The following TSC22D1 variants were observed in gnomAD, a reference collection of about 807,000 sequenced individuals.
TSC22D1 encodes TSC22 domain family protein 1.
A neutral mutation model predicts 74.2 loss-of-function variants in TSC22D1; 9 were observed. The observed-to-expected ratio is 0.12, with a 90% CI of 0.07 to 0.21. The LOEUF (loss-of-function observed/expected upper bound fraction) is 0.21. Among genes scored for constraint, TSC22D1 ranks in the 10% least tolerant of loss-of-function variants. TSC22D1 has a pLI of 1.00. For missense variants in TSC22D1, 1,427 were observed against 1,304.7 expected (o/e 1.09, Z -1.44); for synonymous variants, 586 against 492.5 (o/e 1.19, Z -2.51).
At chr13:44,480,665 A>G (rs889366502) in intron 1 of TSC22D1, among the ~76,000 whole-genome samples, 3 of 152,158 alleles carry the variant, frequency 2.0e-5, no homozygotes, top group African/African-American at 7.2e-5. Context: ...TGTTTGGAGG[A>G]GACATCCAAG....
intron 1 of TSC22D1, among the ~76,000 whole-genome samples, chr13:44,504,408 A>G (rs1879349960): frequency 6.6e-6 from 1 of 152,062 alleles, no homozygotes; most frequent in Admixed American, 6.6e-5. Context: ...GTTCAAGAAC[A>G]GCCTGGGAAA....
chr13:44,507,565 T>C (rs1235778914), intron 1 of TSC22D1, among the ~76,000 whole-genome samples: 4 of 152,068 alleles, frequency 2.6e-5, no homozygotes, highest in South Asian at 4.1e-4. Context: ...CAAAATACTA[T>C]AGAATTGCAA....
intron 1 of TSC22D1, among the ~76,000 whole-genome samples, chr13:44,545,570 C>T (rs1215601536): frequency 6.7e-6 from 1 of 148,256 alleles, no homozygotes; most frequent in Non-Finnish European, 1.5e-5. Flanking sequence ...CATTTTGGAC[C>T]TATAAGGTAC....
intron 1 of TSC22D1, among the ~76,000 whole-genome samples, chr13:44,478,289 A>T (rs1043337369): frequency 6.6e-6 from 1 of 152,188 alleles, no homozygotes; most frequent in African/African-American, 2.4e-5. Flanking sequence ...ATACATGTAG[A>T]ATAATATTAC....
intron 1 of TSC22D1, among the ~76,000 whole-genome samples, chr13:44,560,850 C>T (rs550615764): frequency 6.6e-6 from 1 of 152,260 alleles, no homozygotes; most frequent in East Asian, 1.9e-4. Context: ...TATCACAGTT[C>T]TTTGGGGTTT....
At chr13:44,549,390 A>G (rs1307887949) in intron 1 of TSC22D1, among the ~76,000 whole-genome samples, 2 of 152,174 alleles carry the variant, frequency 1.3e-5, no homozygotes, top group African/African-American at 4.8e-5. Context: ...ACAGCAATTG[A>G]GCCTAAAGTG....
At chr13:44,562,217 T>C (rs549663238) in intron 1 of TSC22D1, among the ~76,000 whole-genome samples, 2 of 151,958 alleles carry the variant, frequency 1.3e-5, no homozygotes, top group East Asian at 3.9e-4. Context: ...AATTTCTGTA[T>C]TTTTTTTGTA....
At chr13:44,482,864 T>C (rs756492635) in intron 1 of TSC22D1, among the ~76,000 whole-genome samples, 1 of 152,208 alleles carries the variant, frequency 6.6e-6, no homozygotes, top group Admixed American at 6.5e-5. Flanking sequence ...CTAACATTTA[T>C]TGAGTGCTTA....
At chr13:44,465,778 G>A (rs1246068489) in intron 1 of TSC22D1, among the ~76,000 whole-genome samples, 1 of 152,154 alleles carries the variant, frequency 6.6e-6, no homozygotes, top group Non-Finnish European at 1.5e-5. Context: ...TTCAAGACCA[G>A]CCTGGCCAAC....
rs534644080 is a variant in TSC22D1 at position 44,565,956 on chromosome 13, CA to C, written c.2912+7206del. 1.8e-4 allele frequency among the ~76,000 whole-genome samples: 27 copies of C among 152,262 alleles called. 1 individual carries two copies. The East Asian group carries it at 5.0e-3, about 28-fold the overall frequency. ...TAAAATGGTTTTCCTAAAATTTCCA[CA>C]TAAGTTTCAAAAGAAAAAATAAATA... On this transcript the variant is annotated intron_variant, in intron 1 of 2. Transcript: ENST00000458659.
At chr13:44,476,409 ATTT>A (rs1877913057) in intron 1 of TSC22D1, among the ~76,000 whole-genome samples, 1 of 152,226 alleles carries the variant, frequency 6.6e-6, no homozygotes, top group African/African-American at 2.4e-5. Flanking sequence ...TAATGAAGTG[ATTT>A]TTTTCTTTTT....
At chr13:44,513,682 C>T (rs1879841724) in intron 1 of TSC22D1, among the ~76,000 whole-genome samples, 1 of 152,162 alleles carries the variant, frequency 6.6e-6, no homozygotes, top group Admixed American at 6.5e-5. Flanking sequence ...TTTGTGTAAA[C>T]CACTGGAAAC....
In TSC22D1 at chr13:44,434,701, AG is replaced by A. The variant is rs762485832; in HGVS notation, c.3146del (p.Pro1049LeufsTer38). On this transcript the variant is annotated frameshift_variant, in exon 3 of 3. Coordinates refer to ENST00000458659, the MANE Select transcript of TSC22D1 (RefSeq NM_183422.4). LOFTEE classifies it high-confidence loss of function. ...FQAQLQTGSPPATTQPQGTTQ... is the reference protein window; with the variant it reads ...FQAQLQTGSPXATTQPQGTTQ... ...TGGTGCCCTGTGGCTGGGTGGTGGC[AG>A]GGGGGGAGCCAGTCTGCAGCTGGGC... The A allele has an allele frequency of 5.6e-6, 9 of 1,609,496 alleles. No homozygotes were observed. Among genetic ancestry groups the A allele is most frequent in the Admixed American group, 1.7e-5 (1 of 59,752 alleles).
intron 1 of TSC22D1, among the ~76,000 whole-genome samples, chr13:44,569,644 A>G (rs904911009): frequency 6.6e-6 from 1 of 152,224 alleles, no homozygotes; most frequent in Admixed American, 6.5e-5. Context: ...TAAATATTTG[A>G]GGACCTACTA....
chr13:44,522,196 A>C (rs968690059), intron 1 of TSC22D1, among the ~76,000 whole-genome samples: 1 of 152,200 alleles, frequency 6.6e-6, no homozygotes, highest in Admixed American at 6.5e-5. Flanking sequence ...GAATCCCCTA[A>C]GGTAGTAGAC....
At chr13:44,471,044 G>A (rs1454847538) in intron 1 of TSC22D1, among the ~76,000 whole-genome samples, 1 of 152,120 alleles carries the variant, frequency 6.6e-6, no homozygotes, top group Non-Finnish European at 1.5e-5. Flanking sequence ...AAATTTAAAA[G>A]TTCTGGCATA....
rs1425655322 is a variant in TSC22D1, at chr13:44,575,235, T to C, written c.840A>G (p.Val280=). ...SITPVAPTSA[V]SSSGSPASVM... ...CAGATGCAGGTGAACCACTGGATGA[T>C]ACAGCAGAAGTTGGTGCAACTGGTG... Residue 280 remains valine (V), a synonymous_variant, in exon 1 of 3, where the codon GTA becomes GTG. Coordinates refer to ENST00000458659, the MANE Select transcript of TSC22D1 (RefSeq NM_183422.4). 6.2e-7 allele frequency: 1 copy of C among 1,614,070 alleles called. No individual in the cohort carries two copies. The highest frequency in any genetic ancestry group is 8.5e-7 in the Non-Finnish European group (1 of 1,180,030).
intron 1 of TSC22D1, among the ~76,000 whole-genome samples, chr13:44,442,030 G>C (rs1875245125): frequency 1.3e-5 from 2 of 152,186 alleles, no homozygotes; most frequent in African/African-American, 2.4e-5. Flanking sequence ...CAGATATTCA[G>C]AAGTATACTG....
rs544862593 is a variant in TSC22D1, at chr13:44,509,364, C to T, written c.2912+63799G>A. Among the ~76,000 whole-genome samples, 165 of 152,302 alleles carry T rather than the reference C, an allele frequency of 1.1e-3. 2 individuals are homozygous for T. The South Asian group carries it at 0.015, about 14-fold the overall frequency. The stretch of plus-strand genomic sequence containing the variant: ...CATTTAAGAAGTGTATAAGGCAGGG[C>T]GTGGTGGCTCACGCCTGTAATCCCA... On this transcript the variant is annotated intron_variant, in intron 1 of 2. Transcript: ENST00000458659.
Sources: gnomAD v4.1 joint callset for allele counts (sites outside exome capture counted in the v4.1 genomes callset) on GRCh38, gnomAD v4.1.1 for gene constraint, MANE v1.5 for transcripts, NCBI Gene and HGNC (gene_info 2026-07-23, HGNC 2026-07-21) for gene names.